Variants in DENND1B observed in about 807,000 individuals in gnomAD.
DENND1B encodes DENN domain-containing protein 1B.
A neutral mutation model predicts 90.1 loss-of-function variants in DENND1B; 59 were observed. The ratio of observed to expected loss-of-function variants is 0.65; its 90% CI spans 0.53 to 0.81. The LOEUF (loss-of-function observed/expected upper bound fraction) is 0.81. Among genes scored for constraint, DENND1B ranks in the 40% least tolerant of loss-of-function variants. DENND1B has a pLI of 0.00. For synonymous variants in DENND1B, 337 were observed against 324.6 expected (o/e 1.04, Z -0.41); for missense variants, 862 against 912.6 (o/e 0.94, Z 0.71).
At chr1:197,614,799 A>T (rs926355909) in intron 11 of DENND1B, among the ~76,000 whole-genome samples, 3 of 151,050 alleles carry the variant, frequency 2.0e-5, no homozygotes, top group Non-Finnish European at 3.0e-5. Flanking sequence ...CTCCTTTCAT[A>T]AAAAGAAGAG....
chr1:197,743,700 A>G (rs1159116246), intron 2 of DENND1B, among the ~76,000 whole-genome samples: 3 of 152,208 alleles, frequency 2.0e-5, no homozygotes, highest in African/African-American at 7.2e-5. Context: ...GTGTCAATCT[A>G]AGCTGGTTAC....
Position 197,534,623 on chromosome 1 carries a change from A to G in DENND1B, c.1515+5341T>C, listed in dbSNP as rs74134835. On this transcript the variant is annotated intron_variant, in intron 20 of 22. Transcript: ENST00000620048. ...TAGGCCTTAACAGCTTCTTAACTAC[A>G]TTTAACATTTTCTCTGCCTTAAAAC... 6.0e-3 allele frequency among the ~76,000 whole-genome samples: 909 copies of G among 152,262 alleles called. 4 individuals carry two copies. The highest frequency in any genetic ancestry group is 0.021 in the African/African-American group (854 of 41,562).
intron 3 of DENND1B, among the ~76,000 whole-genome samples, chr1:197,682,076 G>A (rs963130052): frequency 2.0e-5 from 3 of 151,420 alleles, no homozygotes; most frequent in Non-Finnish European, 4.4e-5. Context: ...TAGGACTCTT[G>A]TGGTTTATCT....
chr1:197,780,077 C>G (rs927198889), upstream of DENND1B, among the ~76,000 whole-genome samples: 1 of 152,154 alleles, frequency 6.6e-6, no homozygotes, highest in Non-Finnish European at 1.5e-5. Flanking sequence ...ATTCTTCAGA[C>G]CATTCATGTG....
chr1:197,573,206 T>C (rs1332269582), intron 15 of DENND1B, among the ~76,000 whole-genome samples: 3 of 152,126 alleles, frequency 2.0e-5, no homozygotes, highest in African/African-American at 7.2e-5. Flanking sequence ...TGCTCTTGCT[T>C]TTCTAGTTCT....
rs1454770356 is a variant in DENND1B at position 197,701,428 on chromosome 1, C to T, written c.126+13603G>A. 2.6e-5 allele frequency among the ~76,000 whole-genome samples: 4 copies of T among 152,170 alleles called. No homozygotes were observed. The South Asian group carries it at 6.2e-4, about 24-fold the overall frequency. The stretch of plus-strand genomic sequence containing the variant: ...GGGACAACACACACCAGGGCCCATT[C>T]GGGGGCCAGGGGTGAGGGGAAGGAA... On this transcript the variant is annotated intron_variant, in intron 3 of 22. Transcript: ENST00000620048.
At chr1:197,541,306 C>T (rs1370172053) in intron 18 of DENND1B, among the ~76,000 whole-genome samples, 2 of 152,108 alleles carry the variant, frequency 1.3e-5, no homozygotes, top group East Asian at 3.8e-4. Flanking sequence ...AAGGAATAAA[C>T]CAGATTACAA....
At chr1:197,660,212 C>T (rs1775453) in intron 5 of DENND1B, among the ~76,000 whole-genome samples, 120,602 of 151,790 alleles carry the variant, frequency 0.79, 48,019 homozygotes, top group East Asian at 0.87. Context: ...AGATAAACAA[C>T]GCTTGTAAGT....
intron 10 of DENND1B, among the ~76,000 whole-genome samples, chr1:197,634,165 G>A (rs1679572740): frequency 6.6e-6 from 1 of 152,140 alleles, no homozygotes; most frequent in Non-Finnish European, 1.5e-5. Context: ...TCAGCCCTAA[G>A]ACTAGTAGCT....
rs765381689 is a variant in DENND1B, at chr1:197,699,838, C to A, written c.126+15193G>T. Among the ~76,000 whole-genome samples the A allele has an allele frequency of 2.8e-4, 43 of 152,168 alleles. 1 individual carries two copies. In the Middle Eastern group the frequency reaches 0.017, roughly 60 times the overall value. On this transcript the variant is annotated intron_variant, in intron 3 of 22. Transcript: ENST00000620048. ...TAACCAAGCAGAGAACCAAATAAAT[C>A]ATGAATGAACTCCCATTCACAATCA...
rs375840135 is a variant in DENND1B, at chr1:197,628,632, T to C, written c.673-10873A>G. Among the ~76,000 whole-genome samples, 785 of 152,132 alleles carry C rather than the reference T, an allele frequency of 5.2e-3. 6 individuals are homozygous for C. The highest frequency in any genetic ancestry group is 0.018 in the African/African-American group (748 of 41,496). On this transcript the variant is annotated intron_variant, in intron 10 of 22. Coordinates refer to ENST00000620048, the MANE Select transcript of DENND1B (RefSeq NM_001195215.2). The stretch of plus-strand genomic sequence containing the variant: ...TAGGCATGGGCAAGGACTTCATGTC[T>C]AAAACACCAAAAGCAATGGCAACAA...
At chr1:197,746,762 A>G in intron 2 of DENND1B, 1 of 1,383,528 alleles carries the variant, frequency 7.2e-7, no homozygotes, top group Non-Finnish European at 1.0e-6. Flanking sequence ...TGCATATCCC[A>G]TGTCACTTTG....
intron 10 of DENND1B, among the ~76,000 whole-genome samples, chr1:197,628,159 G>T (rs1678958771): frequency 6.6e-6 from 1 of 152,042 alleles, no homozygotes; most frequent in South Asian, 2.1e-4. Flanking sequence ...TTTCTTCACA[G>T]AATTGGAAAA....
chr1:197,764,418 G>A (rs1165718941), intron 2 of DENND1B, among the ~76,000 whole-genome samples: 1 of 152,050 alleles, frequency 6.6e-6, no homozygotes, highest in Non-Finnish European at 1.5e-5. Context: ...GAAAAATAAG[G>A]TCCTGTAACC....
chr1:197,647,069 G>A lies in DENND1B; in HGVS notation c.493C>T (p.Pro165Ser). 1 of 1,465,152 alleles carries A rather than the reference G, an allele frequency of 6.8e-7. No homozygotes were observed. Among genetic ancestry groups the A allele is most frequent in the Non-Finnish European group, 9.0e-7 (1 of 1,116,260 alleles). 90.8% of individuals were successfully genotyped at this position (1,465,152 alleles called of 1,614,324 possible). A position where few individuals can be genotyped will look rare whatever the true frequency, so the allele number is the denominator to read the frequency against. Residue 165 changes from proline (P) to serine (S), a missense_variant, in exon 8 of 23, where the codon CCT (proline) becomes TCT (serine). By Grantham distance (74) the Pro-to-Ser change is moderately conservative. Coordinates refer to ENST00000620048, the MANE Select transcript of DENND1B (RefSeq NM_001195215.2). ...IACEQVLKDQ[P>S]ALVPHSYFIA... Reference sequence around the variant, plus strand: ...TTTTAACTCACCGGTACTAGAGCAGGCTGATCTTTCAGAACTTGCTCACAG... The same window carrying A: ...TTTTAACTCACCGGTACTAGAGCAGACTGATCTTTCAGAACTTGCTCACAG...
At chr1:197,735,717 G>C (rs544550442) in intron 2 of DENND1B, 6 of 1,613,738 alleles carry the variant, frequency 3.7e-6, no homozygotes, top group Admixed American at 3.3e-5. Context: ...CGACAGGAAA[G>C]TTTTCCAGTT....
chr1:197,569,448 G>A (rs1018067354), intron 15 of DENND1B, among the ~76,000 whole-genome samples: 1 of 152,048 alleles, frequency 6.6e-6, no homozygotes, highest in Non-Finnish European at 1.5e-5. Context: ...AATGAAATCA[G>A]TATGCTGAAG....
At chr1:197,714,418 A>G (rs562917967) in intron 3 of DENND1B, among the ~76,000 whole-genome samples, 77 of 152,314 alleles carry the variant, frequency 5.1e-4, no homozygotes, top group African/African-American at 1.6e-3. Context: ...ATCATGTAAA[A>G]CTACTGCATC....
chr1:197,648,918 G>C (rs1652787141), intron 7 of DENND1B, among the ~76,000 whole-genome samples: 1 of 152,104 alleles, frequency 6.6e-6, no homozygotes, highest in South Asian at 2.1e-4. Flanking sequence ...AAAAATTCCA[G>C]GTTATCCTTA....
Sources: gnomAD v4.1 joint callset for allele counts (sites outside exome capture counted in the v4.1 genomes callset) on GRCh38, gnomAD v4.1.1 for gene constraint, MANE v1.5 for transcripts, NCBI Gene and HGNC (gene_info 2026-07-23, HGNC 2026-07-21) for gene names.